Variants in CARD6 observed in about 807,000 individuals in gnomAD.
The protein encoded by CARD6 is caspase recruitment domain-containing protein 6.
A neutral mutation model predicts 23.6 loss-of-function variants in CARD6; 27 were observed. The observed-to-expected ratio is 1.14, with a 90% CI of 0.84 to 1.58. The LOEUF (loss-of-function observed/expected upper bound fraction) is 1.58. Among genes scored for constraint, CARD6 ranks in the 40% most tolerant of loss-of-function variants. The pLI, the probability that CARD6 is intolerant of heterozygous loss-of-function variation, is 0.00. For synonymous variants in CARD6, 397 were observed against 431.8 expected, an observed-to-expected ratio of 0.92 and a Z score of 1.00; for missense variants, 1,214 against 1,209.9, an observed-to-expected ratio of 1.00 and a Z score of -0.05.
At chr5:40,850,125 C>A (rs998226858) in intron 2 of CARD6, among the ~76,000 whole-genome samples, 2 of 151,820 alleles carry the variant, frequency 1.3e-5, no homozygotes, top group South Asian at 2.1e-4. Context: ...TAAGAAAGAA[C>A]CAGTATCGGC....
Position 40,843,134 on chromosome 5 carries a change from C to A in CARD6, c.284-18C>A. ...GCTTCTTTTTCTTAATTGGGAAAAA[C>A]AATTCTTTTCTTTGCAGAAGTTTTA... On this transcript the variant is annotated intron_variant, in intron 1 of 2. Transcript: ENST00000254691. 1 of 1,534,336 alleles carries A rather than the reference C, an allele frequency of 6.5e-7. No individual in the cohort carries two copies.
At chr5:40,844,466 A>G in intron 2 of CARD6, among the ~76,000 whole-genome samples, 1 of 152,138 alleles carries the variant, frequency 6.6e-6, no homozygotes, top group Admixed American at 6.5e-5. Context: ...CCTGGGCTCA[A>G]GTGATCTGCC....
In CARD6 at chr5:40,854,078, G is replaced by A; in HGVS notation, c.2746G>A (p.Val916Ile). The A allele has an allele frequency of 6.2e-7, 1 of 1,614,184 alleles. No homozygotes were observed. The highest frequency in any genetic ancestry group is 8.5e-7 in the Non-Finnish European group (1 of 1,180,036). ...ACTAAGACCTGCTTCTCAGCAAGGA[G>A]TCCAGATGAAGACACAAGGTGGGGC... ...QKLRPASQQG[V>I]QMKTQGGASN... Residue 916 changes from valine to isoleucine, a missense_variant, in exon 3 of 3, where the codon GTC (valine) becomes ATC (isoleucine). Val to Ile is a conservative substitution (Grantham distance 29, BLOSUM62 3). Transcript: ENST00000254691.
chr5:40,846,339 GGAGA>G (rs1193115340), intron 2 of CARD6, among the ~76,000 whole-genome samples: 2 of 151,756 alleles, frequency 1.3e-5, no homozygotes, highest in Non-Finnish European at 2.9e-5. Flanking sequence ...TGAGGGTAAA[GGAGA>G]GAGAAAGGGA....
chr5:40,853,529 C>T lies in CARD6; in HGVS notation c.2197C>T (p.Leu733Phe). Reference sequence around the variant, plus strand: ...CAGGCCTGTTCTAGAGAACTCCTGGCTCTTTCCAACCAGAATTGGAGGTAA... The same window carrying T: ...CAGGCCTGTTCTAGAGAACTCCTGGTTCTTTCCAACCAGAATTGGAGGTAA... The part of the protein sequence containing the change: ...VFRPVLENSW[L>F]FPTRIGGNFN... Residue 733 changes from leucine to phenylalanine, a missense_variant, in exon 3 of 3, where the codon CTC (leucine) becomes TTC (phenylalanine). Physicochemically the swap from Leu to Phe is conservative, Grantham distance 22 (BLOSUM62 0). Transcript: ENST00000254691. The T allele has an allele frequency of 6.2e-7, 1 of 1,614,174 alleles. No individual in the cohort carries two copies. Among genetic ancestry groups the T allele is most frequent in the Non-Finnish European group, 8.5e-7 (1 of 1,180,010 alleles).
intron 2 of CARD6, among the ~76,000 whole-genome samples, chr5:40,850,676 C>T (rs1258517986): frequency 2.3e-5 from 3 of 130,608 alleles, no homozygotes; most frequent in Non-Finnish European, 4.6e-5. Context: ...GAGCCGAGAT[C>T]GAGCCACTGC....
Position 40,854,751 on chromosome 5 carries a change from C to T in CARD6, c.*305C>T, listed in dbSNP as rs1010897753. On this transcript the variant is annotated 3_prime_UTR_variant, in exon 3 of 3. Transcript: ENST00000254691. ...GATTACAGGCATGCACCACCACACCCAGCTAATTTTGTATTTTTAGTAGAG... is the reference window on the plus strand; with the variant it reads ...GATTACAGGCATGCACCACCACACCTAGCTAATTTTGTATTTTTAGTAGAG... 1 of 265,538 alleles carries T rather than the reference C, an allele frequency of 3.8e-6. No homozygotes were observed. The highest frequency in any genetic ancestry group is 4.9e-5 in the Admixed American group (1 of 20,578). 16.4% of individuals were successfully genotyped at this position (265,538 alleles called of 1,614,324 possible).
At chr5:40,846,278 G>A (rs1366816840) in intron 2 of CARD6, among the ~76,000 whole-genome samples, 1 of 152,074 alleles carries the variant, frequency 6.6e-6, no homozygotes, top group African/African-American at 2.4e-5. Flanking sequence ...CTCCCAAAGT[G>A]CTGGAATTAT....
At position 40,853,665 on chromosome 5, in the gene CARD6, G is replaced by C; in HGVS notation, c.2333G>C (p.Gly778Ala). The stretch of plus-strand genomic sequence containing the variant: ...CCTTTTCAGAATGCAGGGGCCCAGG[G>C]CCGAGGTAAAAGTTTTGGTATTCAA... ...PLPFQNAGAQ[G>A]RGKSFGIQSF... Residue 778 changes from glycine (G) to alanine (A), a missense_variant, in exon 3 of 3, where the codon GGC becomes GCC. Physicochemically the swap from Gly to Ala is moderately conservative, Grantham distance 60. Transcript: ENST00000254691. 3 of 1,614,214 alleles carry C rather than the reference G, an allele frequency of 1.9e-6. No individual in the cohort carries two copies. The highest frequency in any genetic ancestry group is 2.5e-6 in the Non-Finnish European group (3 of 1,180,042).
At chr5:40,843,005 T>G (rs1561212589) in intron 1 of CARD6, 147 bp from the exon 2 acceptor site, 1 of 609,644 alleles carries the variant, frequency 1.6e-6, no homozygotes, top group Non-Finnish European at 2.7e-6. Flanking sequence ...GCCATTGCAC[T>G]CCAGCCTCGG....
rs774963407 is a variant in CARD6, at chr5:40,841,564, T to G, written c.182T>G (p.Leu61Ter). ...TDLLKKSRKLLILVQKKGEAT... is the reference protein window; with the variant it reads ...TDLLKKSRKL ...CTCCTGAAGAAAAGTCGGAAGCTGT[T>G]AATTTTGGTACAGAAAAAGGGAGAG... The change falls in exon 1 of 3, where the codon TTA becomes TGA. Residue 61 changes from leucine to a stop codon, truncating the protein, a stop_gained. Transcript: ENST00000254691. LOFTEE classifies it high-confidence loss of function. The G allele has an allele frequency of 6.2e-7, 1 of 1,614,144 alleles. No homozygotes were observed. Among genetic ancestry groups the G allele is most frequent in the Non-Finnish European group, 8.5e-7 (1 of 1,180,006 alleles).
rs376800897 is a variant in CARD6 at position 40,852,447 on chromosome 5, C to T, written c.1115C>T (p.Thr372Ile). ...AATTTGGAAATTCGAGACATACAAACCATTAATCCCCTTGACGTGCTTTGT... is the reference window on the plus strand; with the variant it reads ...AATTTGGAAATTCGAGACATACAAATCATTAATCCCCTTGACGTGCTTTGT... ...VENLEIRDIQ[T>I]INPLDVLCAT... The change falls in exon 3 of 3, where the codon ACC becomes ATC. Residue 372 changes from threonine (T) to isoleucine (I), a missense_variant. Coordinates refer to ENST00000254691, the MANE Select transcript of CARD6 (RefSeq NM_032587.4). 3.7e-6 allele frequency: 6 copies of T among 1,614,038 alleles called. No homozygotes were observed. Among genetic ancestry groups the T allele is most frequent in the Non-Finnish European group, 5.1e-6 (6 of 1,180,044 alleles).
Position 40,852,971 on chromosome 5 carries a change from A to T in CARD6, c.1639A>T (p.Met547Leu). 1 of 1,614,076 alleles carries T rather than the reference A, an allele frequency of 6.2e-7. No individual in the cohort carries two copies. Among genetic ancestry groups the T allele is most frequent in the Non-Finnish European group, 8.5e-7 (1 of 1,180,004 alleles). The change falls in exon 3 of 3, where the codon ATG (methionine) becomes TTG (leucine). Residue 547 changes from methionine to leucine, a missense_variant. By Grantham distance (15) the Met-to-Leu change is conservative. Coordinates refer to ENST00000254691, the MANE Select transcript of CARD6 (RefSeq NM_032587.4). ...CTTTTGGACTCAGTTTGGTTTTTTGATGGAAGTTTCTTCAGCTGTGTTTTT... is the reference window on the plus strand; with the variant it reads ...CTTTTGGACTCAGTTTGGTTTTTTGTTGGAAGTTTCTTCAGCTGTGTTTTT... ...ESFWTQFGFL[M>L]EVSSAVFFFT...
intron 1 of CARD6, 85 bp from the exon 2 acceptor site, chr5:40,843,067 G>C: frequency 4.9e-6 from 4 of 809,130 alleles, no homozygotes; most frequent in Non-Finnish European, 5.9e-6. Flanking sequence ...TAAAAGGAGA[G>C]GGATGAAGCT....
Position 40,854,463 on chromosome 5 carries a change from A to T in CARD6, c.*17A>T. 2 of 1,587,234 alleles carry T rather than the reference A, an allele frequency of 1.3e-6. No homozygotes were observed. Among genetic ancestry groups the T allele is most frequent in the Non-Finnish European group, 8.6e-7 (1 of 1,156,756 alleles). On this transcript the variant is annotated 3_prime_UTR_variant, in exon 3 of 3. Coordinates refer to ENST00000254691, the MANE Select transcript of CARD6 (RefSeq NM_032587.4). ...AAGCATTAAAGAGCTAACTCCAGAG[A>T]TCTATAAAGCATATCCTTTACCCAG... is the stretch of plus-strand genomic sequence containing the variant.
chr5:40,851,642 C>T (rs1489172755), intron 2 of CARD6, among the ~76,000 whole-genome samples: 2 of 151,542 alleles, frequency 1.3e-5, no homozygotes, highest in Non-Finnish European at 2.9e-5. Flanking sequence ...ATGGTGAAAT[C>T]CCATCTCTAC....
At chr5:40,844,685 A>C (rs1317000085) in intron 2 of CARD6, among the ~76,000 whole-genome samples, 3 of 152,166 alleles carry the variant, frequency 2.0e-5, no homozygotes, top group Non-Finnish European at 4.4e-5. Context: ...CTCATAATCC[A>C]CTTATGGGTA....
intron 2 of CARD6, among the ~76,000 whole-genome samples, chr5:40,851,759 T>C (rs577132241): frequency 6.6e-6 from 1 of 152,224 alleles, no homozygotes; most frequent in Non-Finnish European, 1.5e-5. Flanking sequence ...GAGGTTGCAG[T>C]GAGCTGAGAT....
At chr5:40,850,125 C>G (rs998226858) in intron 2 of CARD6, among the ~76,000 whole-genome samples, 1 of 151,820 alleles carries the variant, frequency 6.6e-6, no homozygotes, top group Non-Finnish European at 1.5e-5. Flanking sequence ...TAAGAAAGAA[C>G]CAGTATCGGC....
Sources: allele counts gnomAD v4.1 joint callset (sites outside exome capture counted in the v4.1 genomes callset), GRCh38; gene constraint gnomAD v4.1.1; transcripts MANE v1.5; gene names NCBI Gene and HGNC (gene_info 2026-07-23, HGNC 2026-07-21).